Variants in UQCRC2 observed in about 807,000 individuals in gnomAD.
The protein encoded by UQCRC2 is cytochrome b-c1 complex subunit 2, mitochondrial.
UQCRC2 carries 49 observed loss-of-function variants against 55.6 expected under a neutral mutation model. The observed-to-expected ratio is 0.88, with a 90% confidence interval of 0.70 to 1.12. UQCRC2 has a LOEUF of 1.12. UQCRC2 is among the 50% of genes most tolerant of loss of function. UQCRC2 has a pLI of 0.00. For synonymous variants in UQCRC2, 193 were observed against 192.0 expected, an observed-to-expected ratio of 1.01 and a Z score of -0.04; for missense variants, 506 against 547.8, an observed-to-expected ratio of 0.92 and a Z score of 0.76.
At chr16:21,969,762 C>G (rs1465163744) in intron 8 of UQCRC2, among the ~76,000 whole-genome samples, 1 of 152,074 alleles carries the variant, frequency 6.6e-6, no homozygotes, top group Non-Finnish European at 1.5e-5. Context: ...ATTACCACTA[C>G]CTAATTTCAG....
chr16:21,954,451 C>T (rs544759691), intron 1 of UQCRC2, among the ~76,000 whole-genome samples: 34 of 152,302 alleles, frequency 2.2e-4, no homozygotes, highest in African/African-American at 8.2e-4. Context: ...CATTAACCTT[C>T]CAGGTATACC....
intron 7 of UQCRC2, among the ~76,000 whole-genome samples, chr16:21,967,437 G>A (rs570243237): frequency 3.1e-4 from 45 of 146,926 alleles, no homozygotes; most frequent in African/African-American, 1.1e-3. Flanking sequence ...GAAGTCGTAA[G>A]TTTTTTTTTT....
Position 21,983,463 on chromosome 16 carries a change from T to A in UQCRC2, c.*292T>A. ...AATATAATTATTGAGTATAGAAGCA[T>A]CAGAAACTATTAAAATTAAGGCTAA... On this transcript the variant is annotated 3_prime_UTR_variant, in exon 14 of 14. Coordinates refer to ENST00000268379, the MANE Select transcript of UQCRC2 (RefSeq NM_003366.4). 2.6e-6 allele frequency: 1 copy of A among 386,282 alleles called. No individual in the cohort carries two copies. The highest frequency in any genetic ancestry group is 1.2e-4 in the South Asian group (1 of 8,240). 23.9% of individuals were successfully genotyped at this position (386,282 alleles called of 1,614,324 possible).
chr16:21,962,882 A>G lies in UQCRC2; in HGVS notation c.511A>G (p.Thr171Ala). ...DKAVAFQNPQ[T>A]HVIENLHAAA... is the part of the protein sequence containing the mutation. ...AGCTGTGGCCTTTCAGAATCCGCAG[A>G]CTCGTAAGTACATTTCCAGATCACA... is the stretch of plus-strand genomic sequence containing the variant. The change falls in exon 6 of 14, where the codon ACT becomes GCT. Residue 171 changes from threonine to alanine, a missense_variant. Thr to Ala is a moderately conservative substitution (Grantham distance 58). Transcript: ENST00000268379. 2.5e-6 allele frequency: 4 copies of G among 1,613,872 alleles called. No individual in the cohort carries two copies. The highest frequency in any genetic ancestry group is 3.4e-6 in the Non-Finnish European group (4 of 1,179,890).
chr16:21,981,910 G>A (rs1377580907), intron 13 of UQCRC2, among the ~76,000 whole-genome samples: 1 of 149,122 alleles, frequency 6.7e-6, no homozygotes, highest in Non-Finnish European at 1.5e-5. Flanking sequence ...GCGCGATCTC[G>A]GCTCAGTACA....
intron 7 of UQCRC2, among the ~76,000 whole-genome samples, chr16:21,966,822 G>A (rs1898339726): frequency 6.6e-6 from 1 of 152,116 alleles, no homozygotes; most frequent in Non-Finnish European, 1.5e-5. Flanking sequence ...CTACAAGGAT[G>A]GCTATTGTAA....
intron 1 of UQCRC2, among the ~76,000 whole-genome samples, chr16:21,954,067 G>A (rs1199242422): frequency 6.6e-6 from 1 of 152,120 alleles, no homozygotes; most frequent in Non-Finnish European, 1.5e-5. Context: ...ATTAAACATA[G>A]CTGTCACTTG....
At chr16:21,973,117 A>C (rs1316525050) in intron 10 of UQCRC2, among the ~76,000 whole-genome samples, 1 of 152,132 alleles carries the variant, frequency 6.6e-6, no homozygotes, top group Non-Finnish European at 1.5e-5. Flanking sequence ...TATATAAATA[A>C]ATAAATAAAA....
chr16:21,962,661 A>G (rs757433587), intron 5 of UQCRC2, 100 bp from the exon 6 acceptor site: 1 of 1,595,582 alleles, frequency 6.3e-7, no homozygotes, highest in Non-Finnish European at 8.6e-7. Flanking sequence ...GCTTACCACA[A>G]GACCTAAAGT....
chr16:21,977,748 T>G (rs1344285498), intron 12 of UQCRC2, among the ~76,000 whole-genome samples: 1 of 152,250 alleles, frequency 6.6e-6, no homozygotes, highest in Non-Finnish European at 1.5e-5. Context: ...GTGGTCGTTA[T>G]GATCATTTAG....
chr16:21,959,105 T>A (rs1898142979), intron 4 of UQCRC2, among the ~76,000 whole-genome samples: 1 of 152,236 alleles, frequency 6.6e-6, no homozygotes, highest in East Asian at 1.9e-4. Context: ...TGATGACTGA[T>A]CAAGGTGGTG....
chr16:21,978,515 C>A (rs942344428), intron 12 of UQCRC2, among the ~76,000 whole-genome samples: 3 of 152,132 alleles, frequency 2.0e-5, no homozygotes, highest in African/African-American at 7.2e-5. Flanking sequence ...ACTGCCCTTC[C>A]CCACCTGCCT....
chr16:21,981,992 C>A (rs761448890), intron 13 of UQCRC2, among the ~76,000 whole-genome samples: 1 of 151,562 alleles, frequency 6.6e-6, no homozygotes, highest in Non-Finnish European at 1.5e-5. Flanking sequence ...AGGTGCCCAC[C>A]ACCACGGCCG....
rs9924083 is a variant in UQCRC2 at position 21,968,532 on chromosome 16, A to G, written c.613-96A>G. 6.5e-3 allele frequency: 7,313 copies of G among 1,121,772 alleles called. 369 individuals are homozygous for G. The African/African-American group carries it at 0.1, about 16-fold the overall frequency. 69.5% of individuals were successfully genotyped at this position (1,121,772 alleles called of 1,614,324 possible). A position where few individuals can be genotyped will look rare whatever the true frequency, so the allele number is the denominator to read the frequency against. On this transcript the variant is annotated intron_variant, in intron 7 of 13. Transcript: ENST00000268379. ...TCATTACAGCAACTTATAAGGCCTT[A>G]TAAGTATTTATTTTCTTCCAAACTG...
Position 21,962,884 on chromosome 16 carries a change from T to C in UQCRC2, c.513T>C (p.Thr171=). 6.2e-7 allele frequency: 1 copy of C among 1,613,818 alleles called. No homozygotes were observed. Among genetic ancestry groups the C allele is most frequent in the South Asian group, 1.1e-5 (1 of 91,072 alleles). Residue 171 remains threonine, a splice_region_variant and synonymous_variant, in exon 6 of 14, where the codon ACT becomes ACC. Coordinates refer to ENST00000268379, the MANE Select transcript of UQCRC2 (RefSeq NM_003366.4). Reference sequence around the variant, plus strand: ...CTGTGGCCTTTCAGAATCCGCAGACTCGTAAGTACATTTCCAGATCACATT... The same window carrying C: ...CTGTGGCCTTTCAGAATCCGCAGACCCGTAAGTACATTTCCAGATCACATT... ...DKAVAFQNPQ[T]HVIENLHAAA...
chr16:21,961,655 T>TATATATATATATAC (rs1898205936), intron 4 of UQCRC2, among the ~76,000 whole-genome samples: 1 of 105,732 alleles, frequency 9.5e-6, no homozygotes, highest in Non-Finnish European at 1.8e-5. Flanking sequence ...TATATATATA[T>TATATATATATATAC]ATATATATAT....
Position 21,983,145 on chromosome 16 carries a change from CAT to C in UQCRC2, c.1338_1339del (p.Pro448PhefsTer3). On this transcript the variant is annotated frameshift_variant, in exon 14 of 14. Coordinates refer to ENST00000268379, the MANE Select transcript of UQCRC2 (RefSeq NM_003366.4). LOFTEE classifies it high-confidence loss of function. ...KSMAASGNLG[H>X]TPFVDEL ...AATGGCAGCAAGTGGAAATTTGGGA[CAT>C]ACACCTTTTGTTGATGAGTTGTAAT... 1 of 1,614,080 alleles carries C rather than the reference CAT, an allele frequency of 6.2e-7. No homozygotes were observed. Among genetic ancestry groups the C allele is most frequent in the South Asian group, 1.1e-5 (1 of 91,084 alleles).
chr16:21,974,662 T>C (rs780976551), intron 11 of UQCRC2, among the ~76,000 whole-genome samples: 2 of 152,134 alleles, frequency 1.3e-5, no homozygotes, highest in Non-Finnish European at 2.9e-5. Flanking sequence ...TAGTGGAGCT[T>C]AGACATTCAA....
At chr16:21,961,910 C>A (rs1898214952) in intron 4 of UQCRC2, among the ~76,000 whole-genome samples, 1 of 151,926 alleles carries the variant, frequency 6.6e-6, no homozygotes, top group Non-Finnish European at 1.5e-5. Context: ...ACCTCGGCCT[C>A]CCAAAGTGCT....
Sources: allele counts gnomAD v4.1 joint callset (sites outside exome capture counted in the v4.1 genomes callset), GRCh38; gene constraint gnomAD v4.1.1; transcripts MANE v1.5; gene names NCBI Gene and HGNC (gene_info 2026-07-23, HGNC 2026-07-21).